The following NAALADL2 variants were observed in gnomAD, a reference collection of about 807,000 sequenced individuals.
NAALADL2 encodes inactive N-acetylated-alpha-linked acidic dipeptidase-like protein 2.
NAALADL2 carries 76 observed loss-of-function variants against 87.2 expected under a neutral mutation model. That is an observed-to-expected ratio of 0.87 (90% CI 0.72 to 1.05). The LOEUF (loss-of-function observed/expected upper bound fraction) is 1.05, where lower values mean the gene tolerates loss of function less well. NAALADL2 is among the 50% of genes least tolerant of loss of function. The probability of loss-of-function intolerance (pLI) is 0.00; values close to 1 mark genes in which losing one functional copy is unlikely to be tolerated. For missense variants in NAALADL2, 1,089 were observed against 945.8 expected, an observed-to-expected ratio of 1.15 and a Z score of -1.99; for synonymous variants, 354 against 331.0, an observed-to-expected ratio of 1.07 and a Z score of -0.75.
intron 3 of NAALADL2, among the ~76,000 whole-genome samples, chr3:174,836,568 A>G (rs1457267044): frequency 6.6e-6 from 1 of 151,912 alleles, no homozygotes; most frequent in Non-Finnish European, 1.5e-5. Context: ...AATTAGCTGG[A>G]CATGGTGGTG....
chr3:175,677,580 T>C (rs1040819661), intron 11 of NAALADL2, among the ~76,000 whole-genome samples: 3 of 151,448 alleles, frequency 2.0e-5, no homozygotes, highest in Non-Finnish European at 4.4e-5. Flanking sequence ...AAATAGCTCA[T>C]TGGTAATTTA....
intron 11 of NAALADL2, among the ~76,000 whole-genome samples, chr3:175,706,065 T>C (rs920276049): frequency 6.6e-6 from 1 of 152,082 alleles, no homozygotes; most frequent in Non-Finnish European, 1.5e-5. Flanking sequence ...ATCAGGGAAC[T>C]ATATGAATGA....
At chr3:174,634,745 A>G (rs1473636886) in intron 2 of NAALADL2, among the ~76,000 whole-genome samples, 1 of 152,162 alleles carries the variant, frequency 6.6e-6, no homozygotes, top group East Asian at 1.9e-4. Flanking sequence ...TTTATTTTGG[A>G]TAGATACACA....
In NAALADL2 at chr3:175,447,316, C is replaced by T. The variant is rs779860489; in HGVS notation, c.1178C>T (p.Ser393Leu). ...SAPLVAKLIS[S>L]PKARTKNEAC... ...CCCCTCGTTGCAAAACTGATCTCTTCGCCAAAAGCTAGAACCAAAAATGAA... is the reference window on the plus strand; with the variant it reads ...CCCCTCGTTGCAAAACTGATCTCTTTGCCAAAAGCTAGAACCAAAAATGAA... The change falls in exon 6 of 14, where the codon TCG becomes TTG. Residue 393 changes from serine (S) to leucine (L), a missense_variant. Transcript: ENST00000454872. The T allele has an allele frequency of 6.2e-6, 10 of 1,604,054 alleles. No homozygotes were observed. Among genetic ancestry groups the T allele is most frequent in the South Asian group, 2.2e-5 (2 of 89,240 alleles).
rs551976509 is a variant in NAALADL2, at chr3:174,844,070, C to T, written c.-9+106324C>T. Among the ~76,000 whole-genome samples the T allele has an allele frequency of 2.0e-5, 3 of 152,162 alleles. No homozygotes were observed. The East Asian group carries it at 5.8e-4, about 29-fold the overall frequency. On this transcript the variant is annotated intron_variant, in intron 3 of 3. Transcript: ENST00000434257. ...GAGTTTGTTGCAGAGCTTTTGAGGT[C>T]GTATTTTAAAAATCTTTGCCCAGCC... is the stretch of plus-strand genomic sequence containing the variant.
Position 175,520,422 on chromosome 3 carries a change from C to T in NAALADL2, c.1653+48664C>T, listed in dbSNP as rs376731531. Among the ~76,000 whole-genome samples, 756 of 151,440 alleles carry T rather than the reference C, an allele frequency of 5.0e-3. 7 individuals are homozygous for T. The highest frequency in any genetic ancestry group is 0.017 in the African/African-American group (721 of 41,282). On this transcript the variant is annotated intron_variant, in intron 9 of 13. Transcript: ENST00000454872. Reference sequence around the variant, plus strand: ...CACGCCATTCTCCTGCCTCAGCCTCCCGAGTAGCTGGGACTACAGGCGCCC... The same window carrying T: ...CACGCCATTCTCCTGCCTCAGCCTCTCGAGTAGCTGGGACTACAGGCGCCC...
At chr3:174,457,883 G>A (rs961578782) in intron 1 of NAALADL2, among the ~76,000 whole-genome samples, 1 of 151,774 alleles carries the variant, frequency 6.6e-6, no homozygotes, top group Admixed American at 6.6e-5. Context: ...CAAACTAACA[G>A]AGGAACAGAA....
chr3:175,443,854 CA>C (rs5854632), intron 5 of NAALADL2, among the ~76,000 whole-genome samples: 130,530 of 151,942 alleles, frequency 0.86, 56,114 homozygotes, highest in East Asian at 0.96. Context: ...GCAAGCATTG[CA>C]AAAAAAAGGT....
intron 2 of NAALADL2, among the ~76,000 whole-genome samples, chr3:174,684,127 A>G (rs1460463909): frequency 6.6e-6 from 1 of 152,020 alleles, no homozygotes; most frequent in African/African-American, 2.4e-5. Context: ...ACTTCCTTGT[A>G]TATACTAGAT....
chr3:175,185,889 C>G (rs532706773), intron 2 of NAALADL2, among the ~76,000 whole-genome samples: 254 of 151,582 alleles, frequency 1.7e-3, no homozygotes, highest in African/African-American at 6.0e-3. Context: ...ATTTTACTTT[C>G]ATCATTCTTT....
intron 1 of NAALADL2, among the ~76,000 whole-genome samples, chr3:174,979,561 TCCCAAAG>T: frequency 6.6e-6 from 1 of 152,072 alleles, no homozygotes; most frequent in South Asian, 2.1e-4. Flanking sequence ...CGCCTCGGCC[TCCCAAAG>T]TGCTGGGATT....
At chr3:175,142,225 A>T (rs761437245) in intron 2 of NAALADL2, among the ~76,000 whole-genome samples, 18 of 152,090 alleles carry the variant, frequency 1.2e-4, no homozygotes, top group Non-Finnish European at 2.2e-4. Flanking sequence ...AAGTCTGAGA[A>T]CTTTTCTAAA....
chr3:174,940,164 C>T (rs1738359945), intron 1 of NAALADL2, among the ~76,000 whole-genome samples: 1 of 152,028 alleles, frequency 6.6e-6, no homozygotes, highest in Admixed American at 6.6e-5. Context: ...TAGATGGCTC[C>T]TATTACTTGG....
intron 1 of NAALADL2, among the ~76,000 whole-genome samples, chr3:174,522,192 G>C (rs950274488): frequency 2.6e-5 from 4 of 152,164 alleles, no homozygotes; most frequent in Admixed American, 1.3e-4. Flanking sequence ...CCTCTGCTTT[G>C]TTCTGGTATT....
At chr3:174,730,410 C>A (rs976109685) in intron 2 of NAALADL2, among the ~76,000 whole-genome samples, 3 of 152,058 alleles carry the variant, frequency 2.0e-5, no homozygotes, top group Admixed American at 2.0e-4. Flanking sequence ...GGGTAACATC[C>A]AGGCCCGTAT....
intron 4 of NAALADL2, among the ~76,000 whole-genome samples, chr3:175,310,456 T>A (rs779779238): frequency 4.6e-5 from 7 of 152,096 alleles, no homozygotes; most frequent in Non-Finnish European, 8.8e-5. Context: ...CAGAAAATGA[T>A]GTATGTCACT....
At chr3:174,514,189 G>A (rs1014484865) in intron 1 of NAALADL2, among the ~76,000 whole-genome samples, 1 of 151,944 alleles carries the variant, frequency 6.6e-6, no homozygotes, top group Non-Finnish European at 1.5e-5. Context: ...CAGTACCTTT[G>A]TAAAAATGAT....
At chr3:174,513,105 G>A (rs917334512) in intron 1 of NAALADL2, among the ~76,000 whole-genome samples, 14 of 151,980 alleles carry the variant, frequency 9.2e-5, no homozygotes, top group Non-Finnish European at 1.3e-4. Flanking sequence ...GGGATTACAA[G>A]CGTGTGCCAC....
At chr3:174,442,849 A>G (rs901809774) in intron 1 of NAALADL2, among the ~76,000 whole-genome samples, 3 of 152,186 alleles carry the variant, frequency 2.0e-5, no homozygotes, top group Non-Finnish European at 4.4e-5. Flanking sequence ...AGTCCTCTGG[A>G]GAAGGTGACA....
Sources: allele counts gnomAD v4.1 joint callset (sites outside exome capture counted in the v4.1 genomes callset), GRCh38; gene constraint gnomAD v4.1.1; transcripts MANE v1.5; gene names NCBI Gene and HGNC (gene_info 2026-07-23, HGNC 2026-07-21).